Variants in CSMD3 observed in about 807,000 individuals in gnomAD.
The protein encoded by CSMD3 is CUB and Sushi multiple domains 3, also known as CUB and sushi domain-containing protein 3.
CSMD3 carries 177 observed loss-of-function variants against 435.2 expected under a neutral mutation model. That is an observed-to-expected ratio of 0.41 (90% confidence interval 0.36 to 0.46). The LOEUF is 0.46. CSMD3 is among the 20% of genes least tolerant of loss of function. The pLI, the probability that CSMD3 is intolerant of heterozygous loss-of-function variation, is 0.34. For missense variants in CSMD3, 4,265 were observed against 4,504.6 expected (o/e 0.95, Z 1.52); for synonymous variants, 1,656 against 1,520.5 (o/e 1.09, Z -2.07).
At chr8:112,296,789 A>G (rs1422238879) in intron 53 of CSMD3, among the ~76,000 whole-genome samples, 2 of 151,924 alleles carry the variant, frequency 1.3e-5, no homozygotes, top group African/African-American at 2.4e-5. Context: ...AATAGAGAAC[A>G]TTAAGTTAAA....
intron 32 of CSMD3, among the ~76,000 whole-genome samples, chr8:112,456,269 A>G (rs996040776): frequency 9.9e-5 from 15 of 152,120 alleles, no homozygotes; most frequent in Admixed American, 9.8e-4. Flanking sequence ...ACAGAAAATT[A>G]TAGCAGAAAT....
At chr8:112,893,117 AACTACT>A (rs578218335) in intron 10 of CSMD3, among the ~76,000 whole-genome samples, 1 of 150,650 alleles carries the variant, frequency 6.6e-6, no homozygotes, top group African/African-American at 2.4e-5. Context: ...CTACTACTAC[AACTACT>A]ACTACTACTA....
At chr8:113,328,907 ATTT>A (rs2094005768) in intron 1 of CSMD3, among the ~76,000 whole-genome samples, 1 of 150,778 alleles carries the variant, frequency 6.6e-6, no homozygotes, top group Admixed American at 6.6e-5. Flanking sequence ...TGCACAGCTA[ATTT>A]TTGTATTTTT....
chr8:112,963,710 G>T lies in CSMD3; in HGVS notation c.1343-8949C>A, dbSNP rs147310654. Among the ~76,000 whole-genome samples the T allele has an allele frequency of 6.6e-3, 1,006 of 151,984 alleles. 11 individuals are homozygous for T. Among genetic ancestry groups the T allele is most frequent in the African/African-American group, 0.023 (965 of 41,502 alleles). ...TATTGAAATTGAAAAGTAATTCAAT[G>T]AAAAGTAAAACTGGCAAGAAAAAAT... On this transcript the variant is annotated intron_variant, in intron 7 of 70. Coordinates refer to ENST00000297405, the MANE Select transcript of CSMD3 (RefSeq NM_198123.2).
At chr8:112,753,643 A>G (rs967955931) in intron 13 of CSMD3, among the ~76,000 whole-genome samples, 4 of 152,234 alleles carry the variant, frequency 2.6e-5, no homozygotes, top group Admixed American at 2.6e-4. Flanking sequence ...TTTCATGGAA[A>G]GAACATCAAG....
chr8:113,219,293 C>A (rs1196111265), intron 3 of CSMD3, among the ~76,000 whole-genome samples: 2 of 151,008 alleles, frequency 1.3e-5, no homozygotes, highest in African/African-American at 4.8e-5. Flanking sequence ...AAAACTATAC[C>A]TATCCGCAAA....
chr8:113,080,963 A>C (rs999715040), intron 5 of CSMD3, among the ~76,000 whole-genome samples: 2 of 152,202 alleles, frequency 1.3e-5, no homozygotes, highest in African/African-American at 4.8e-5. Context: ...TGGAAATTTA[A>C]ATTTTATTTC....
intron 9 of CSMD3, among the ~76,000 whole-genome samples, chr8:112,934,981 G>T (rs1236070810): frequency 4.6e-5 from 7 of 151,914 alleles, no homozygotes; most frequent in Non-Finnish European, 2.9e-5. Flanking sequence ...TCATTGCCCA[G>T]ACCAATGTCA....
intron 59 of CSMD3, among the ~76,000 whole-genome samples, chr8:112,273,535 A>G (rs201102635): frequency 6.6e-6 from 1 of 151,786 alleles, no homozygotes; most frequent in Non-Finnish European, 1.5e-5. Context: ...ACCATCCTGG[A>G]TAACACGGTG....
chr8:113,249,133 C>CTCTT (rs2093310143), intron 3 of CSMD3, among the ~76,000 whole-genome samples: 1 of 152,022 alleles, frequency 6.6e-6, no homozygotes, highest in African/African-American at 2.4e-5. Context: ...CCTGCACAAC[C>CTCTT]TCTTTTGCCT....
rs1222062601 is a variant in CSMD3, at chr8:112,265,538, A to T, written c.9561T>A (p.Asp3187Glu). The change falls in exon 60 of 71, where the codon GAT becomes GAA. Residue 3187 changes from aspartate to glutamate, a missense_variant. Transcript: ENST00000297405. ...GIPANGLRYG[D>E]DYVVGQNVSY... ...AAACATTTTGTCCAACCACATAATC[A>T]TCTCCATATCTCAGTCCATTGGCTG... 4 of 1,613,460 alleles carry T rather than the reference A, an allele frequency of 2.5e-6. No homozygotes were observed. The highest frequency in any genetic ancestry group is 3.4e-6 in the Non-Finnish European group (4 of 1,179,616).
chr8:113,334,230 A>C (rs2094050921), intron 1 of CSMD3, among the ~76,000 whole-genome samples: 1 of 148,124 alleles, frequency 6.8e-6, no homozygotes, highest in Non-Finnish European at 1.5e-5. Context: ...CAGGGGGTAC[A>C]TGTACTGTAT....
intron 66 of CSMD3, among the ~76,000 whole-genome samples, chr8:112,240,638 C>G (rs775133686): frequency 3.3e-5 from 5 of 151,988 alleles, no homozygotes; most frequent in Non-Finnish European, 7.4e-5. Context: ...ATATTATGCT[C>G]TTATTGGCAG....
intron 7 of CSMD3, among the ~76,000 whole-genome samples, chr8:112,961,284 G>A (rs1007332746): frequency 6.6e-6 from 1 of 151,682 alleles, no homozygotes; most frequent in African/African-American, 2.4e-5. Flanking sequence ...TATTATCTAT[G>A]TTCTCTGAAT....
intron 22 of CSMD3, among the ~76,000 whole-genome samples, chr8:112,587,677 T>C (rs909755040): frequency 3.3e-5 from 5 of 151,886 alleles, no homozygotes; most frequent in Admixed American, 1.3e-4. Flanking sequence ...TTCTTTTTTC[T>C]CCTAATACTC....
At chr8:112,359,912 G>A (rs910514157) in intron 38 of CSMD3, among the ~76,000 whole-genome samples, 1 of 151,956 alleles carries the variant, frequency 6.6e-6, no homozygotes, top group East Asian at 1.9e-4. Flanking sequence ...ATGTTTAAGG[G>A]TTTACAACTT....
intron 22 of CSMD3, among the ~76,000 whole-genome samples, chr8:112,621,694 C>A (rs1834084489): frequency 6.6e-6 from 1 of 152,114 alleles, no homozygotes; most frequent in South Asian, 2.1e-4. Context: ...ATTTTACAGA[C>A]TCCCTCTTCT....
intron 70 of CSMD3, among the ~76,000 whole-genome samples, chr8:112,226,131 A>G (rs971231674): frequency 6.6e-6 from 1 of 152,154 alleles, no homozygotes; most frequent in Admixed American, 6.5e-5. Context: ...TTCTGAATTT[A>G]TCTATATTTC....
intron 5 of CSMD3, among the ~76,000 whole-genome samples, chr8:113,034,784 G>A (rs2087269064): frequency 6.6e-6 from 1 of 151,928 alleles, no homozygotes; most frequent in South Asian, 2.1e-4. Context: ...AATAAAGAAT[G>A]GTTAAACTAA....
Sources: gnomAD v4.1 joint callset for allele counts (sites outside exome capture counted in the v4.1 genomes callset) on GRCh38, gnomAD v4.1.1 for gene constraint, MANE v1.5 for transcripts, NCBI Gene and HGNC (gene_info 2026-07-23, HGNC 2026-07-21) for gene names.